Variants in EVL observed in about 807,000 individuals in gnomAD.
The protein encoded by EVL is Enah/Vasp-like, also known as ena/VASP-like protein.
EVL carries 21 observed loss-of-function variants against 59.6 expected under a neutral mutation model. The observed-to-expected ratio is 0.35, with a 90% CI of 0.25 to 0.51. The LOEUF is 0.51. Among genes scored for constraint, EVL ranks in the 20% least tolerant of loss-of-function variants. EVL has a pLI of 0.97. For missense variants in EVL, 462 were observed against 546.6 expected, an observed-to-expected ratio of 0.85 and a Z score of 1.54; for synonymous variants, 198 against 203.5, an observed-to-expected ratio of 0.97 and a Z score of 0.23.
intron 3 of EVL, among the ~76,000 whole-genome samples, chr14:100,100,842 T>C (rs1886169757): frequency 6.7e-6 from 1 of 149,716 alleles, no homozygotes; most frequent in South Asian, 2.1e-4. Context: ...TTTATGTGGC[T>C]AAGGTACTCT....
intron 1 of EVL, among the ~76,000 whole-genome samples, chr14:100,022,411 G>A (rs1488490621): frequency 3.3e-5 from 5 of 151,844 alleles, no homozygotes; most frequent in African/African-American, 7.3e-5. Context: ...CCAAGTAGCT[G>A]TGATTACAGG....
chr14:100,078,662 A>G (rs2062221301), intron 1 of EVL, among the ~76,000 whole-genome samples: 1 of 152,164 alleles, frequency 6.6e-6, no homozygotes. Flanking sequence ...AGTGAAGTCC[A>G]GTCGTATCAG....
intron 13 of EVL, among the ~76,000 whole-genome samples, chr14:100,143,217 A>G (rs2140413651): frequency 6.6e-6 from 1 of 152,218 alleles, no homozygotes; most frequent in South Asian, 2.1e-4. Flanking sequence ...GAGCAGAGCC[A>G]GGGCAGTCCC....
rs2140414962 is a variant in EVL at position 100,143,768 on chromosome 14, AG to A, written c.*31del. The A allele has an allele frequency of 6.2e-7, 1 of 1,607,830 alleles. No homozygotes were observed. Among genetic ancestry groups the A allele is most frequent in the Admixed American group, 1.7e-5 (1 of 59,696 alleles). ...CCGGCCTCGCTGCGCTGATTCGTCG[AG>A]CCCATCCGGCGACAGAGGACAGCCA... On this transcript the variant is annotated 3_prime_UTR_variant, in exon 14 of 14. Coordinates refer to ENST00000392920, the MANE Select transcript of EVL (RefSeq NM_016337.3).
Position 100,104,948 on chromosome 14 carries a change from G to A in EVL, c.358+7290G>A, listed in dbSNP as rs1336691852. Among the ~76,000 whole-genome samples, 6 of 117,868 alleles carry A rather than the reference G, an allele frequency of 5.1e-5. 1 individual carries two copies. The South Asian group carries it at 1.1e-3, about 21-fold the overall frequency. 77.3% of individuals were successfully genotyped at this position (117,868 alleles called of 152,430 possible). On this transcript the variant is annotated intron_variant, in intron 3 of 13. Coordinates refer to ENST00000392920, the MANE Select transcript of EVL (RefSeq NM_016337.3). ...TTTTTTAACTTTTGGAGCTACTCCT[G>A]TAGCTGAAGGAGAAGAAGGGATGGG... is the stretch of plus-strand genomic sequence containing the variant.
chr14:100,103,925 G>C (rs1886393841), intron 3 of EVL, among the ~76,000 whole-genome samples: 1 of 152,234 alleles, frequency 6.6e-6, no homozygotes, highest in East Asian at 1.9e-4. Context: ...CCTGTGTGCT[G>C]TGGGTATATG....
intron 1 of EVL, 49 bp downstream of exon 1, chr14:100,065,560 C>G: frequency 1.7e-6 from 2 of 1,201,216 alleles, no homozygotes; most frequent in South Asian, 3.4e-5. Flanking sequence ...AAGAGGAAAC[C>G]TAGAATCTTA....
At chr14:100,106,035 C>T (rs921889663) in intron 3 of EVL, 1 of 152,208 alleles carries the variant, frequency 6.6e-6, no homozygotes, top group African/African-American at 2.4e-5. Flanking sequence ...TGTTGATGTT[C>T]TAGACTCTGA....
chr14:100,117,929 A>G lies in EVL; in HGVS notation c.359-5610A>G, dbSNP rs567329814. Reference sequence around the variant, plus strand: ...GCTCGCCCAGTGGCTGGAGATGCTCAGTTTGCCTGGGGCCAGTCATCCACG... The same window carrying G: ...GCTCGCCCAGTGGCTGGAGATGCTCGGTTTGCCTGGGGCCAGTCATCCACG... On this transcript the variant is annotated intron_variant, in intron 3 of 13. Transcript: ENST00000392920. 5.3e-5 allele frequency among the ~76,000 whole-genome samples: 8 copies of G among 152,342 alleles called. No individual in the cohort carries two copies. In the East Asian group the frequency reaches 1.5e-3, roughly 29 times the overall value.
intron 3 of EVL, among the ~76,000 whole-genome samples, chr14:100,104,945 C>G (rs1886468788): frequency 7.8e-6 from 1 of 128,472 alleles, no homozygotes; most frequent in Non-Finnish European, 1.6e-5. Flanking sequence ...TGGAGCTACT[C>G]CTGTAGCTGA....
intron 1 of EVL, among the ~76,000 whole-genome samples, chr14:100,013,409 G>A (rs984575587): frequency 2.6e-5 from 4 of 152,222 alleles, no homozygotes; most frequent in Non-Finnish European, 4.4e-5. Context: ...GCACATCACA[G>A]CATCCCCACA....
At chr14:100,005,638 C>T (rs1169666676) in intron 1 of EVL, among the ~76,000 whole-genome samples, 3 of 149,560 alleles carry the variant, frequency 2.0e-5, no homozygotes, top group African/African-American at 7.4e-5. Flanking sequence ...AATACACACA[C>T]ACACACACAC....
At chr14:100,063,528 A>G (rs192851155), upstream of EVL, among the ~76,000 whole-genome samples, 3 of 152,370 alleles carry the variant, frequency 2.0e-5, no homozygotes, top group Non-Finnish European at 4.4e-5. Flanking sequence ...CTGCATGGAA[A>G]AATGTACCTA....
At chr14:100,003,832 A>C (rs925404235) in intron 1 of EVL, among the ~76,000 whole-genome samples, 1 of 152,248 alleles carries the variant, frequency 6.6e-6, no homozygotes, top group Non-Finnish European at 1.5e-5. Context: ...CTGTTAGACC[A>C]ATTACCAAAA....
chr14:100,116,271 G>C (rs373714197), intron 3 of EVL, among the ~76,000 whole-genome samples: 1 of 152,230 alleles, frequency 6.6e-6, no homozygotes, highest in Admixed American at 6.5e-5. Context: ...TGGCAGAGCA[G>C]GGAGGAGGCC....
intron 2 of EVL, chr14:100,097,161 G>A (rs1885870347): frequency 4.5e-6 from 1 of 221,950 alleles, no homozygotes; most frequent in South Asian, 1.3e-4. Context: ...CCCCAGCAAA[G>A]TGCAGTGACT....
chr14:99,992,659 C>T lies in EVL; in HGVS notation c.5+20602C>T, dbSNP rs114919617. On this transcript the variant is annotated intron_variant, in intron 1 of 13. Transcript: ENST00000402714. The stretch of plus-strand genomic sequence containing the variant: ...CTTTGGCATATGAATATTCAGTTTT[C>T]CTAACACTGTTTGTTGAAAAGTCTG... Among the ~76,000 whole-genome samples the T allele has an allele frequency of 4.4e-3, 665 of 152,284 alleles. 4 individuals carry two copies. Among genetic ancestry groups the T allele is most frequent in the African/African-American group, 0.015 (634 of 41,556 alleles).
chr14:100,086,608 T>A (rs1332950605), intron 2 of EVL, among the ~76,000 whole-genome samples: 3 of 152,236 alleles, frequency 2.0e-5, no homozygotes, highest in Non-Finnish European at 2.9e-5. Flanking sequence ...CCGCCTGTTC[T>A]CAGGGACCTC....
intron 1 of EVL, among the ~76,000 whole-genome samples, chr14:100,077,873 C>T (rs2062198752): frequency 6.6e-6 from 1 of 152,044 alleles, no homozygotes; most frequent in African/African-American, 2.4e-5. Flanking sequence ...CCCGGGTTCA[C>T]GCCATTCTCC....
Sources: gnomAD v4.1 joint callset for allele counts (sites outside exome capture counted in the v4.1 genomes callset) on GRCh38, gnomAD v4.1.1 for gene constraint, MANE v1.5 for transcripts, NCBI Gene and HGNC (gene_info 2026-07-23, HGNC 2026-07-21) for gene names.